CAMK1D: variants seen among roughly 807,000 people sequenced by gnomAD.
The protein encoded by CAMK1D is calcium/calmodulin dependent protein kinase ID, also known as calcium/calmodulin-dependent protein kinase type 1D.
In CAMK1D, 9 loss-of-function variants were observed where a neutral mutation model predicts 47.7. That is an observed-to-expected ratio of 0.19 (90% CI 0.11 to 0.33). CAMK1D has a LOEUF of 0.33. Ranked by LOEUF, CAMK1D falls within the 10% of genes least tolerant of loss-of-function variation. The pLI, the probability that CAMK1D is intolerant of heterozygous loss-of-function variation, is 1.00. For synonymous variants in CAMK1D, 184 were observed against 184.9 expected, an observed-to-expected ratio of 0.99 and a Z score of 0.04; for missense variants, 291 against 488.7, an observed-to-expected ratio of 0.60 and a Z score of 3.81.
chr10:12,628,555 T>C (rs1839290179), intron 2 of CAMK1D, among the ~76,000 whole-genome samples: 1 of 152,226 alleles, frequency 6.6e-6, no homozygotes, highest in African/African-American at 2.4e-5. Flanking sequence ...GGTACATTTG[T>C]TATAATTGAT....
At chr10:12,815,070 C>A (rs1275022905) in intron 7 of CAMK1D, among the ~76,000 whole-genome samples, 3 of 152,166 alleles carry the variant, frequency 2.0e-5, no homozygotes. Context: ...TAACTGTTAA[C>A]CCCATTTGAC....
chr10:12,364,097 T>C (rs1837762806), intron 1 of CAMK1D, among the ~76,000 whole-genome samples: 1 of 152,092 alleles, frequency 6.6e-6, no homozygotes, highest in African/African-American at 2.4e-5. Context: ...TCCTTCTGAC[T>C]CTTAGTGAGT....
Position 12,692,947 on chromosome 10 carries a change from C to T in CAMK1D, c.299+26137C>T, listed in dbSNP as rs78814006. ...GAAAATGTGGCTGAGGTATGGTGCC[C>T]GCTTGTTGGGTCAAACACTAGGCTA... On this transcript the variant is annotated intron_variant, in intron 3 of 10. Transcript: ENST00000619168. Among the ~76,000 whole-genome samples the T allele has an allele frequency of 3.8e-3, 585 of 152,180 alleles. 5 individuals carry two copies. The highest frequency in any genetic ancestry group is 0.013 in the African/African-American group (525 of 41,500).
chr10:12,425,741 C>T (rs1035994369), intron 1 of CAMK1D, among the ~76,000 whole-genome samples: 4 of 152,216 alleles, frequency 2.6e-5, no homozygotes, highest in Non-Finnish European at 4.4e-5. Flanking sequence ...TAGTTGAGTG[C>T]CTGCCACATA....
intron 6 of CAMK1D, among the ~76,000 whole-genome samples, chr10:12,811,246 G>T (rs1832593172): frequency 1.3e-5 from 2 of 152,224 alleles, no homozygotes; most frequent in Admixed American, 1.3e-4. Context: ...CACACTTCTG[G>T]AACATTCGTT....
chr10:12,576,351 T>C (rs56956284), intron 2 of CAMK1D, among the ~76,000 whole-genome samples: 10,004 of 152,236 alleles, frequency 0.066, 614 homozygotes, highest in East Asian at 0.25. Flanking sequence ...CCCAACCCTC[T>C]TGGAACCAGG....
chr10:12,769,023 C>T (rs150946537), intron 4 of CAMK1D, among the ~76,000 whole-genome samples: 38 of 152,302 alleles, frequency 2.5e-4, no homozygotes, highest in Admixed American at 9.8e-4. Context: ...TTCAGAGGAA[C>T]AGACAAAGGA....
At position 12,637,388 on chromosome 10, in the gene CAMK1D, A is replaced by G. The variant is rs187335712; in HGVS notation, c.225-29348A>G. On this transcript the variant is annotated intron_variant, in intron 2 of 10. Coordinates refer to ENST00000619168, the MANE Select transcript of CAMK1D (RefSeq NM_153498.4). ...TCATGCGTTTGTTCTCAACTCTCAC[A>G]GAAGGAAGTAGGTCCCTTCAGTGTT... 1.7e-3 allele frequency among the ~76,000 whole-genome samples: 252 copies of G among 152,340 alleles called. 1 individual carries two copies. The highest frequency in any genetic ancestry group is 5.6e-3 in the African/African-American group (234 of 41,580).
At chr10:12,350,700 A>C (rs2131826445) in intron 1 of CAMK1D, among the ~76,000 whole-genome samples, 1 of 152,352 alleles carries the variant, frequency 6.6e-6, no homozygotes. Flanking sequence ...CTTTCTGCCC[A>C]GGAGTTGGGT....
chr10:12,655,238 GGTGAAAGCAGGATCGA>G (rs962645622), intron 2 of CAMK1D, among the ~76,000 whole-genome samples: 23 of 152,100 alleles, frequency 1.5e-4, no homozygotes, highest in African/African-American at 5.6e-4. Context: ...CATGTCACAT[GGTGAAAGCAGGATCGA>G]GAGAGAGTGG....
At chr10:12,370,504 C>T (rs1374271508) in intron 1 of CAMK1D, among the ~76,000 whole-genome samples, 2 of 152,196 alleles carry the variant, frequency 1.3e-5, no homozygotes, top group African/African-American at 4.8e-5. Context: ...CAGCTCCATG[C>T]GTGATACTGT....
At chr10:12,484,995 T>C (rs1048137507) in intron 1 of CAMK1D, among the ~76,000 whole-genome samples, 1 of 152,132 alleles carries the variant, frequency 6.6e-6, no homozygotes, top group African/African-American at 2.4e-5. Context: ...TACCATCTGG[T>C]GTGGAAAGAT....
At chr10:12,597,628 T>C (rs1182725530) in intron 2 of CAMK1D, among the ~76,000 whole-genome samples, 2 of 152,172 alleles carry the variant, frequency 1.3e-5, no homozygotes, top group Admixed American at 6.5e-5. Flanking sequence ...TTGAGGGCGT[T>C]GTGGGGAGCC....
At chr10:12,547,544 C>T (rs1253301822) in intron 1 of CAMK1D, among the ~76,000 whole-genome samples, 1 of 151,848 alleles carries the variant, frequency 6.6e-6, no homozygotes, top group Non-Finnish European at 1.5e-5. Flanking sequence ...TGCTTTTGTT[C>T]TTTTGTCCCT....
intron 2 of CAMK1D, among the ~76,000 whole-genome samples, chr10:12,665,704 T>A (rs1019427226): frequency 4.6e-5 from 7 of 152,268 alleles, no homozygotes; most frequent in African/African-American, 1.7e-4. Context: ...CAGAAACTGC[T>A]CTTAATGGAT....
intron 2 of CAMK1D, among the ~76,000 whole-genome samples, chr10:12,651,111 A>G (rs1588735101): frequency 6.6e-6 from 1 of 151,346 alleles, no homozygotes; most frequent in African/African-American, 2.4e-5. Flanking sequence ...GTGTTTCTTT[A>G]CCCCTCCACT....
chr10:12,553,450 C>A, intron 2 of CAMK1D, 94 bp downstream of exon 2: 1 of 1,047,314 alleles, frequency 9.5e-7, no homozygotes, highest in Non-Finnish European at 1.5e-6. Flanking sequence ...TCCCCGGGGG[C>A]AGAGGGGCCC....
At chr10:12,668,988 T>G (rs76362501) in intron 3 of CAMK1D, among the ~76,000 whole-genome samples, 14 of 152,172 alleles carry the variant, frequency 9.2e-5, no homozygotes, top group African/African-American at 3.4e-4. Flanking sequence ...TCCCAGCACT[T>G]TGGGAGTTCG....
chr10:12,766,280 GC>G (rs1440930488), intron 4 of CAMK1D, among the ~76,000 whole-genome samples: 8 of 138,222 alleles, frequency 5.8e-5, no homozygotes, highest in East Asian at 5.0e-4. Flanking sequence ...CCCAGCCCTG[GC>G]CCCGTGCCCT....
Sources: gnomAD v4.1 joint callset for allele counts (sites outside exome capture counted in the v4.1 genomes callset) on GRCh38, gnomAD v4.1.1 for gene constraint, MANE v1.5 for transcripts, NCBI Gene and HGNC (gene_info 2026-07-23, HGNC 2026-07-21) for gene names.